The following IPPK variants were observed in gnomAD, a reference collection of about 807,000 sequenced individuals.
IPPK encodes the protein IPK1 homolog.
Under a neutral mutation model 64.6 loss-of-function variants are expected in IPPK, and 22 were observed. The ratio of observed to expected loss-of-function variants is 0.34; its 90% CI spans 0.24 to 0.49. The LOEUF is 0.49. Ranked by LOEUF, IPPK falls within the 20% of genes least tolerant of loss-of-function variation. The pLI, the probability that IPPK is intolerant of heterozygous loss-of-function variation, is 0.99. For synonymous variants in IPPK, 262 were observed against 247.2 expected, an observed-to-expected ratio of 1.06 and a Z score of -0.56; for missense variants, 532 against 630.7, an observed-to-expected ratio of 0.84 and a Z score of 1.68.
intron 1 of IPPK, among the ~76,000 whole-genome samples, chr9:92,661,297 A>C (rs1852478420): frequency 6.6e-6 from 1 of 152,140 alleles, no homozygotes; most frequent in African/African-American, 2.4e-5. Flanking sequence ...CTTGACCCCA[A>C]AGGTCAAGGT....
rs762269144 is a variant in IPPK, at chr9:92,640,508, G to A, written c.636+202C>T. Among the ~76,000 whole-genome samples, 12 of 152,078 alleles carry A rather than the reference G, an allele frequency of 7.9e-5. 1 individual carries two copies. The highest frequency in any genetic ancestry group is 4.6e-4 in the Admixed American group (7 of 15,278). On this transcript the variant is annotated intron_variant, in intron 8 of 12. Transcript: ENST00000287996. The stretch of plus-strand genomic sequence containing the variant: ...ACTCAGATGCTATGCTTGTGGAATC[G>A]TGCTCAGAAAAAGGTCAGGGAAAGA...
chr9:92,661,001 C>T (rs1852471421), intron 1 of IPPK, among the ~76,000 whole-genome samples: 1 of 152,148 alleles, frequency 6.6e-6, no homozygotes, highest in African/African-American at 2.4e-5. Context: ...AGTCCTCAGT[C>T]CTTGTGGATA....
chr9:92,658,947 C>T (rs1010039419), intron 1 of IPPK, among the ~76,000 whole-genome samples: 2 of 152,206 alleles, frequency 1.3e-5, no homozygotes, highest in Non-Finnish European at 2.9e-5. Flanking sequence ...ATGGAAATAA[C>T]CTAAATGCCC....
intron 4 of IPPK, among the ~76,000 whole-genome samples, chr9:92,651,309 A>C (rs534748511): frequency 1.2e-4 from 19 of 152,318 alleles, no homozygotes; most frequent in Admixed American, 6.5e-5. Context: ...CACGAAATTT[A>C]TCTCTTTGAT....
At chr9:92,650,537 G>A (rs1312687372) in intron 4 of IPPK, among the ~76,000 whole-genome samples, 2 of 152,208 alleles carry the variant, frequency 1.3e-5, no homozygotes, top group East Asian at 3.9e-4. Context: ...ATATGGGAGA[G>A]TGAATACTGC....
rs966400133 is a variant in IPPK, at chr9:92,635,429, G to A, written c.917-121C>T. ...CTCCGCCATACGGGCATCACCACAGGCAAGGACTGCACCCTGGACTGGCAC... is the reference window on the plus strand; with the variant it reads ...CTCCGCCATACGGGCATCACCACAGACAAGGACTGCACCCTGGACTGGCAC... On this transcript the variant is annotated intron_variant, in intron 9 of 12. Transcript: ENST00000287996. This position sits in a 1 kb window ranked among gnomAD's most constrained non-coding sequence, Gnocchi z 4.4. 2 of 999,960 alleles carry A rather than the reference G, an allele frequency of 2.0e-6. No individual in the cohort carries two copies. Among genetic ancestry groups the A allele is most frequent in the Non-Finnish European group, 2.9e-6 (2 of 685,718 alleles). 61.9% of individuals were successfully genotyped at this position (999,960 alleles called of 1,614,324 possible).
intron 3 of IPPK, among the ~76,000 whole-genome samples, chr9:92,655,853 C>T (rs913593826): frequency 2.6e-5 from 4 of 152,198 alleles, no homozygotes; most frequent in Non-Finnish European, 5.9e-5. Flanking sequence ...ACAGCAGCTG[C>T]AGAAGGGTGG....
At chr9:92,624,459 CAA>C (rs113513833) in intron 11 of IPPK, among the ~76,000 whole-genome samples, 4 of 138,990 alleles carry the variant, frequency 2.9e-5, no homozygotes, top group Non-Finnish European at 3.2e-5. Context: ...ACTCCATCTC[CAA>C]AAAAAAAAAA....
At chr9:92,664,624 G>A (rs1365725330) in intron 1 of IPPK, among the ~76,000 whole-genome samples, 1 of 152,168 alleles carries the variant, frequency 6.6e-6, no homozygotes, top group African/African-American at 2.4e-5. Context: ...CTATAGGCAT[G>A]GAAAGCCTCA....
In IPPK at chr9:92,616,012, G is replaced by A. The variant is rs368557850; in HGVS notation, c.1296C>T (p.Ala432=). The A allele has an allele frequency of 3.7e-6, 6 of 1,614,034 alleles. No individual in the cohort carries two copies. The highest frequency in any genetic ancestry group is 4.2e-6 in the Non-Finnish European group (5 of 1,180,040). The stretch of plus-strand genomic sequence containing the variant: ...CAAGGTCCAGCACAGACACGGAAAA[G>A]GCAAACCTGGACCTCGATGAAGGGA... The part of the protein sequence containing the change: ...PVVPSSRSRF[A]FSVSVLDLDL... The change falls in exon 13 of 13, where the codon GCC becomes GCT. Residue 432 remains alanine, a synonymous_variant. Coordinates refer to ENST00000287996, the MANE Select transcript of IPPK (RefSeq NM_022755.6).
intron 8 of IPPK, among the ~76,000 whole-genome samples, chr9:92,640,447 G>T (rs1012774678): frequency 1.3e-5 from 2 of 152,162 alleles, no homozygotes; most frequent in Non-Finnish European, 1.5e-5. Context: ...GTGGGGCTTT[G>T]GTCGAGCACC....
chr9:92,638,043 C>A lies in IPPK; in HGVS notation c.874G>T (p.Val292Phe). ...SPGLGPQGPR[V>F]CEASPFSRSL... ...CTACTGAAAGGGCTGGCTTCGCAGA[C>A]TCGCGGGCCCTGAGGCCCGAGCCCC... Residue 292 changes from valine to phenylalanine, a missense_variant, in exon 9 of 13, where the codon GTC becomes TTC. Physicochemically the swap from Val to Phe is conservative, Grantham distance 50. Transcript: ENST00000287996. 6.3e-7 allele frequency: 1 copy of A among 1,598,626 alleles called. No homozygotes were observed. The highest frequency in any genetic ancestry group is 8.5e-7 in the Non-Finnish European group (1 of 1,173,504).
chr9:92,660,069 T>C (rs1260191853), intron 1 of IPPK, among the ~76,000 whole-genome samples: 3 of 152,108 alleles, frequency 2.0e-5, no homozygotes, highest in Non-Finnish European at 2.9e-5. Flanking sequence ...TCCACCAAAA[T>C]TTAAGGAAAG....
chr9:92,613,455 C>T lies in IPPK; in HGVS notation c.*2377G>A, dbSNP rs1851334112. On this transcript the variant is annotated 3_prime_UTR_variant, in exon 13 of 13. Transcript: ENST00000287996. ...GGGAGGATCCATCCCCCACCCACTG[C>T]AGCCTCACACCGAGTCCACCTTGGA... 3.1e-6 allele frequency: 1 copy of T among 319,144 alleles called. No individual in the cohort carries two copies. Among genetic ancestry groups the T allele is most frequent in the African/African-American group, 2.1e-5 (1 of 46,866 alleles). The allele number at this position is 319,144 out of a possible 1,614,324, so 19.8% of individuals were successfully genotyped here.
At chr9:92,643,719 T>C (rs1852096212) in intron 6 of IPPK, among the ~76,000 whole-genome samples, 2 of 152,158 alleles carry the variant, frequency 1.3e-5, no homozygotes, top group South Asian at 4.1e-4. Context: ...ACAAAGTACA[T>C]ATGGCATGAT....
At chr9:92,649,909 C>T (rs1852227453) in intron 4 of IPPK, among the ~76,000 whole-genome samples, 1 of 151,900 alleles carries the variant, frequency 6.6e-6, no homozygotes, top group Admixed American at 6.6e-5. Flanking sequence ...GCCTACAGTC[C>T]CAGCTACTCG....
At chr9:92,629,542 A>G (rs1360091670) in intron 11 of IPPK, among the ~76,000 whole-genome samples, 1 of 152,118 alleles carries the variant, frequency 6.6e-6, no homozygotes, top group Admixed American at 6.6e-5. Context: ...ACTTGAGCTC[A>G]GGAGTTCAAG....
At chr9:92,625,728 T>C (rs1369282933) in intron 11 of IPPK, among the ~76,000 whole-genome samples, 2 of 152,202 alleles carry the variant, frequency 1.3e-5, no homozygotes, top group East Asian at 3.9e-4. Flanking sequence ...CAGCACTGAT[T>C]CTAGGAATAA....
At chr9:92,631,100 A>G (rs1175696501) in intron 11 of IPPK, among the ~76,000 whole-genome samples, 1 of 152,184 alleles carries the variant, frequency 6.6e-6, no homozygotes, top group Non-Finnish European at 1.5e-5. Context: ...GATACTACAC[A>G]ACAGACAAAA....
Sources: gnomAD v4.1 joint callset for allele counts (sites outside exome capture counted in the v4.1 genomes callset) on GRCh38, gnomAD v4.1.1 for gene constraint, Gnocchi (gnomAD v3.1) non-coding constraint, MANE v1.5 for transcripts, NCBI Gene and HGNC (gene_info 2026-07-23, HGNC 2026-07-21) for gene names.